Variants in F7 observed in about 807,000 individuals in gnomAD.
F7 encodes FVII coagulation protein.
A neutral mutation model predicts 47.5 loss-of-function variants in F7; 38 were observed. That is an observed-to-expected ratio of 0.80 (90% confidence interval 0.62 to 1.05). The LOEUF (loss-of-function observed/expected upper bound fraction) is 1.05. Ranked by LOEUF, F7 falls within the 50% of genes least tolerant of loss-of-function variation. The pLI, the probability that F7 is intolerant of heterozygous loss-of-function variation, is 0.00. For missense variants in F7, 575 were observed against 605.4 expected (o/e 0.95, Z 0.53); for synonymous variants, 244 against 258.5 (o/e 0.94, Z 0.54).
In F7 at chr13:113,113,792, C is replaced by A. The variant is rs1447166658; in HGVS notation, c.250+16C>A. Reference sequence around the variant, plus strand: ...TCTTACAGTGGTGAGTGGATGATCACCACCAGTCCTGCCTGCAACCCTTCT... The same window carrying A: ...TCTTACAGTGGTGAGTGGATGATCAACACCAGTCCTGCCTGCAACCCTTCT... On this transcript the variant is annotated intron_variant, in intron 3 of 7. Transcript: ENST00000346342. The surrounding 1 kb of genome is among the most constrained non-coding windows in gnomAD (Gnocchi z 4.1). 4.3e-6 allele frequency: 7 copies of A among 1,614,072 alleles called. No homozygotes were observed. The highest frequency in any genetic ancestry group is 1.7e-5 in the Admixed American group (1 of 60,012).
At chr13:113,112,620 C>T (rs1455726230) in intron 2 of F7, among the ~76,000 whole-genome samples, 2 of 149,652 alleles carry the variant, frequency 1.3e-5, no homozygotes, top group South Asian at 4.3e-4. Flanking sequence ...TCACCTCACA[C>T]GGGGCACACT....
At chr13:113,106,668 AGTGGGGCAT>A (rs2035966100) in intron 1 of F7, among the ~76,000 whole-genome samples, 1 of 43,404 alleles carries the variant, frequency 2.3e-5, no homozygotes, top group Non-Finnish European at 4.3e-5. Context: ...GGGAATGGTG[AGTGGGGCAT>A]GGGGATGGCG....
chr13:113,114,752 C>T (rs971550386), intron 4 of F7: 1 of 153,326 alleles, frequency 6.5e-6, no homozygotes, highest in Non-Finnish European at 1.5e-5. Context: ...ATCACATTGT[C>T]AGCTAGACCA....
At chr13:113,108,039 A>G (rs1225113159) in intron 1 of F7, among the ~76,000 whole-genome samples, 1 of 1,478 alleles carries the variant, frequency 6.8e-4, no homozygotes, top group Admixed American at 6.8e-3. Flanking sequence ...GTGTCCCGGG[A>G]GTGTGGGTGT....
chr13:113,108,737 G>A (rs1157882781), intron 1 of F7, among the ~76,000 whole-genome samples: 4 of 122,706 alleles, frequency 3.3e-5, no homozygotes, highest in Admixed American at 7.9e-5. Flanking sequence ...GGTGTCCCGG[G>A]AGTGTGGGTG....
At position 113,118,592 on chromosome 13, in the gene F7, T is replaced by C; in HGVS notation, c.919T>C (p.Ser307Pro). ...VPLCLPERTF[S>P]ERTLAFVRFS... The stretch of plus-strand genomic sequence containing the variant: ...CCTCTGCCTGCCCGAACGGACGTTC[T>C]CTGAGAGGACGCTGGCCTTCGTGCG... Residue 307 changes from serine (S) to proline (P), a missense_variant, in exon 8 of 8, where the codon TCT becomes CCT. By Grantham distance (74) the Ser-to-Pro change is moderately conservative. Coordinates refer to ENST00000346342, the MANE Select transcript of F7 (RefSeq NM_019616.4). 6.2e-7 allele frequency: 1 copy of C among 1,612,894 alleles called. No homozygotes were observed. The highest frequency in any genetic ancestry group is 8.5e-7 in the Non-Finnish European group (1 of 1,179,912).
intron 1 of F7, among the ~76,000 whole-genome samples, chr13:113,107,112 T>A (rs1428379136): frequency 6.6e-6 from 1 of 152,108 alleles, no homozygotes; most frequent in African/African-American, 2.4e-5. Flanking sequence ...TCTTCTTTGC[T>A]CCATTCTGTT....
rs149461706 is a variant in F7, at chr13:113,115,733, C to T, written c.438C>T (p.Thr146=). The change falls in exon 5 of 8, where the codon ACC becomes ACT. Residue 146 remains threonine (T), a synonymous_variant. Transcript: ENST00000346342. ...AGTACTGCAGTGACCACACGGGCAC[C>T]AAGCGCTCCTGTCGGTGCCACGAGG... ...CEQYCSDHTG[T]KRSCRCHEGY... The T allele has an allele frequency of 1.2e-6, 2 of 1,613,144 alleles. No homozygotes were observed. Among genetic ancestry groups the T allele is most frequent in the Non-Finnish European group, 1.7e-6 (2 of 1,180,024 alleles).
intron 6 of F7, 23 bp downstream of exon 6, chr13:113,116,898 G>C: frequency 6.4e-7 from 1 of 1,574,162 alleles, no homozygotes; most frequent in Non-Finnish European, 8.7e-7. Flanking sequence ...CTGGCTTCAG[G>C]ATTCCAAGCC....
intron 2 of F7, among the ~76,000 whole-genome samples, chr13:113,111,919 ACACT>A (rs1347966782): frequency 1.3e-5 from 2 of 149,538 alleles, no homozygotes; most frequent in South Asian, 4.3e-4. Context: ...GGCGCACTTC[ACACT>A]CACGGGTCAC....
chr13:113,106,814 C>T, intron 1 of F7: 1 of 1,569,634 alleles, frequency 6.4e-7, no homozygotes. Flanking sequence ...CACAGCATGG[C>T]CTTATGACCC....
rs535716596 is a variant in F7 at position 113,119,166 on chromosome 13, G to A, written c.*158G>A. On this transcript the variant is annotated 3_prime_UTR_variant, in exon 8 of 8. Coordinates refer to ENST00000346342, the MANE Select transcript of F7 (RefSeq NM_019616.4). ...AGAGACAGAAACAGAGAGAGACAGA[G>A]ACAGAGAGAGACTGAGGGAGAGACT... is the stretch of plus-strand genomic sequence containing the variant. 668 of 679,376 alleles carry A rather than the reference G, an allele frequency of 9.8e-4. 5 individuals carry two copies. The African/African-American group carries it at 0.011, about 11-fold the overall frequency. 42.1% of individuals were successfully genotyped at this position (679,376 alleles called of 1,614,324 possible).
At position 113,113,697 on chromosome 13, in the gene F7, G is replaced by C; in HGVS notation, c.226-55G>C. Reference sequence around the variant, plus strand: ...GTTCATGGTGTGTCCAGTGCTTACCGTTGGGTGCTCTGGTGAAGGTGCATC... The same window carrying C: ...GTTCATGGTGTGTCCAGTGCTTACCCTTGGGTGCTCTGGTGAAGGTGCATC... On this transcript the variant is annotated intron_variant, in intron 2 of 7. Coordinates refer to ENST00000346342, the MANE Select transcript of F7 (RefSeq NM_019616.4). The surrounding 1 kb of genome is among the most constrained non-coding windows in gnomAD (Gnocchi z 4.1). The C allele has an allele frequency of 1.3e-6, 2 of 1,561,660 alleles. No individual in the cohort carries two copies. Among genetic ancestry groups the C allele is most frequent in the Non-Finnish European group, 1.8e-6 (2 of 1,132,336 alleles).
Position 113,117,345 on chromosome 13 carries a change from G to T in F7, c.616-128G>T, listed in dbSNP as rs568942363. ...GAGCAGCTTTGCCTGGGAGGGATCT[G>T]CAAAGACCCCAGGATTTCAGAAAGA... is the stretch of plus-strand genomic sequence containing the variant. On this transcript the variant is annotated intron_variant, in intron 6 of 7. Coordinates refer to ENST00000346342, the MANE Select transcript of F7 (RefSeq NM_019616.4). 18 of 1,480,292 alleles carry T rather than the reference G, an allele frequency of 1.2e-5. No individual in the cohort carries two copies. In the South Asian group the frequency reaches 1.7e-4, roughly 14 times the overall value. 91.7% of individuals were successfully genotyped at this position (1,480,292 alleles called of 1,614,324 possible).
At chr13:113,114,028 A>C in intron 4 of F7, 68 bp downstream of exon 4, 1 of 1,561,474 alleles carries the variant, frequency 6.4e-7, no homozygotes, top group Non-Finnish European at 8.8e-7. Flanking sequence ...GGCCTGGCCA[A>C]CCGGGCTGCA....
intron 2 of F7, among the ~76,000 whole-genome samples, chr13:113,112,111 G>A (rs1314425148): frequency 1.7e-5 from 2 of 115,232 alleles, no homozygotes; most frequent in Non-Finnish European, 3.6e-5. Context: ...ACCTCACAGA[G>A]GTCACCTCAC....
intron 1 of F7, chr13:113,110,447 C>G: frequency 2.1e-6 from 1 of 475,970 alleles, no homozygotes; most frequent in Non-Finnish European, 3.7e-6. Context: ...CGCGTGCCCC[C>G]GAGCGCGCCC....
chr13:113,112,756 C>T (rs1340496367), intron 2 of F7, among the ~76,000 whole-genome samples: 3 of 149,938 alleles, frequency 2.0e-5, no homozygotes, highest in African/African-American at 4.9e-5. Flanking sequence ...CACAGGACAC[C>T]TCACACTCAT....
intron 1 of F7, among the ~76,000 whole-genome samples, chr13:113,109,441 C>G (rs1440370813): frequency 6.6e-6 from 1 of 152,132 alleles, no homozygotes; most frequent in African/African-American, 2.4e-5. Flanking sequence ...CTAGGGGCGT[C>G]GACGTGTGAA....
Sources: allele counts gnomAD v4.1 joint callset (sites outside exome capture counted in the v4.1 genomes callset), GRCh38; gene constraint gnomAD v4.1.1; non-coding constraint Gnocchi (gnomAD v3.1); transcripts MANE v1.5; gene names NCBI Gene and HGNC (gene_info 2026-07-23, HGNC 2026-07-21).